Variants in ASXL3 observed in about 807,000 individuals in gnomAD.
The protein encoded by ASXL3 is ASXL transcriptional regulator 3, also known as putative Polycomb group protein ASXL3.
ASXL3 carries 34 observed loss-of-function variants against 170.6 expected under a neutral mutation model. That is an observed-to-expected ratio of 0.20 (90% confidence interval 0.15 to 0.27). The LOEUF is 0.27. Among genes scored for constraint, ASXL3 ranks in the 10% least tolerant of loss-of-function variants. The pLI, the probability that ASXL3 is intolerant of heterozygous loss-of-function variation, is 1.00. For missense variants in ASXL3, 2,592 were observed against 2,695.3 expected (o/e 0.96, Z 0.85); for synonymous variants, 1,002 against 989.1 (o/e 1.01, Z -0.24).
At chr18:33,716,053 A>AG (rs1275179712) in intron 8 of ASXL3, among the ~76,000 whole-genome samples, 5 of 152,354 alleles carry the variant, frequency 3.3e-5, no homozygotes, top group Non-Finnish European at 7.3e-5. Flanking sequence ...AAAAGGGCAA[A>AG]GACCTTGTTC....
intron 4 of ASXL3, among the ~76,000 whole-genome samples, chr18:33,658,685 T>C (rs1379900037): frequency 6.6e-6 from 1 of 152,046 alleles, no homozygotes; most frequent in African/African-American, 2.4e-5. Context: ...CAGTAAATAA[T>C]TAGGGAAATA....
At chr18:33,650,452 G>A (rs1400674400) in intron 4 of ASXL3, among the ~76,000 whole-genome samples, 2 of 152,040 alleles carry the variant, frequency 1.3e-5, no homozygotes, top group Admixed American at 1.3e-4. Context: ...CAGTGTCCTA[G>A]CTGGGAAGAC....
intron 8 of ASXL3, among the ~76,000 whole-genome samples, chr18:33,730,680 A>T (rs908534572): frequency 6.6e-6 from 1 of 152,184 alleles, no homozygotes; most frequent in African/African-American, 2.4e-5. Flanking sequence ...ACAAGGACCA[A>T]AAGTATTTGT....
chr18:33,644,819 C>T (rs2065895586), intron 2 of ASXL3, 75 bp from the exon 3 acceptor site: 16 of 868,852 alleles, frequency 1.8e-5, no homozygotes, highest in South Asian at 1.8e-4. Flanking sequence ...AGAGAGCGAG[C>T]GAGACTCAGA....
chr18:33,679,521 A>G (rs2066481258), intron 7 of ASXL3, among the ~76,000 whole-genome samples: 2 of 152,042 alleles, frequency 1.3e-5, no homozygotes, highest in South Asian at 2.1e-4. Context: ...TATAAAGTCA[A>G]TTGAAGAAGT....
intron 8 of ASXL3, among the ~76,000 whole-genome samples, chr18:33,700,683 A>G (rs1038144159): frequency 5.3e-5 from 8 of 152,130 alleles, no homozygotes; most frequent in African/African-American, 1.9e-4. Flanking sequence ...TGAAGGCTTT[A>G]TTAACAAACC....
chr18:33,676,250 A>T (rs1247580470), intron 7 of ASXL3, among the ~76,000 whole-genome samples: 5 of 147,634 alleles, frequency 3.4e-5, no homozygotes, highest in African/African-American at 1.2e-4. Context: ...AAAAAAAATT[A>T]TTCAGTCATT....
At chr18:33,636,011 G>A (rs1206292941) in intron 2 of ASXL3, among the ~76,000 whole-genome samples, 1 of 152,112 alleles carries the variant, frequency 6.6e-6, no homozygotes, top group Non-Finnish European at 1.5e-5. Context: ...AAAGTTAAAG[G>A]TGTAAACAAT....
intron 8 of ASXL3, among the ~76,000 whole-genome samples, chr18:33,695,170 GATT>G (rs1435031942): frequency 6.6e-6 from 1 of 152,024 alleles, no homozygotes; most frequent in Non-Finnish European, 1.5e-5. Context: ...TTACTTAAAA[GATT>G]ATAAAATTCA....
intron 3 of ASXL3, among the ~76,000 whole-genome samples, chr18:33,646,021 G>A (rs1426971533): frequency 5.3e-5 from 8 of 149,842 alleles, no homozygotes; most frequent in Admixed American, 5.3e-4. Context: ...CTTTTTTTGG[G>A]TATAGATTTT....
chr18:33,582,074 C>G (rs1177770866), intron 1 of ASXL3, among the ~76,000 whole-genome samples: 1 of 152,188 alleles, frequency 6.6e-6, no homozygotes, highest in Non-Finnish European at 1.5e-5. Context: ...AAACCAGATG[C>G]ATTTTCATCT....
intron 9 of ASXL3, among the ~76,000 whole-genome samples, chr18:33,732,333 G>A (rs549258822): frequency 6.6e-6 from 1 of 152,250 alleles, no homozygotes; most frequent in South Asian, 2.1e-4. Context: ...TAATTTTAAT[G>A]ACATTGTTTG....
At position 33,607,946 on chromosome 18, in the gene ASXL3, C is replaced by A. The variant is rs726145; in HGVS notation, c.137+270C>A. On this transcript the variant is annotated intron_variant, in intron 2 of 11. Coordinates refer to ENST00000269197, the MANE Select transcript of ASXL3 (RefSeq NM_030632.3). Reference sequence around the variant, plus strand: ...GACTTAGCCCCTCATTGAAGTTATTCCTGTTTCTTGTAAGAGGAGATTGTG... The same window carrying A: ...GACTTAGCCCCTCATTGAAGTTATTACTGTTTCTTGTAAGAGGAGATTGTG... Among the ~76,000 whole-genome samples, 44,989 of 151,736 alleles carry A rather than the reference C, an allele frequency of 0.3. 8,118 individuals carry two copies. The highest frequency in any genetic ancestry group is 0.42 in the Middle Eastern group (124 of 294).
At chr18:33,676,243 A>AAAAAAAAAAAAAAAAAAAAAAC (rs1198973179) in intron 7 of ASXL3, among the ~76,000 whole-genome samples, 1 of 149,984 alleles carries the variant, frequency 6.7e-6, no homozygotes, top group Non-Finnish European at 1.5e-5. Context: ...AAAAAAAAAA[A>AAAAAAAAAAAAAAAAAAAAAAC]AAAATTATTC....
intron 2 of ASXL3, among the ~76,000 whole-genome samples, chr18:33,611,967 C>G (rs2065342060): frequency 6.6e-6 from 1 of 151,912 alleles, no homozygotes; most frequent in African/African-American, 2.4e-5. Flanking sequence ...GTTATAGTAA[C>G]ATATCCAGGG....
At chr18:33,586,197 G>A (rs1265445285) in intron 1 of ASXL3, among the ~76,000 whole-genome samples, 2 of 150,884 alleles carry the variant, frequency 1.3e-5, no homozygotes, top group Non-Finnish European at 3.0e-5. Context: ...TGAGGCTGTT[G>A]TTTATTCTCC....
intron 2 of ASXL3, among the ~76,000 whole-genome samples, chr18:33,630,338 T>A (rs1368851013): frequency 6.6e-6 from 1 of 152,002 alleles, no homozygotes; most frequent in African/African-American, 2.4e-5. Context: ...TAAATAACTA[T>A]GATGTTTGAA....
At chr18:33,626,097 A>G (rs1568286952) in intron 2 of ASXL3, among the ~76,000 whole-genome samples, 1 of 151,942 alleles carries the variant, frequency 6.6e-6, no homozygotes, top group Non-Finnish European at 1.5e-5. Context: ...ATAATAAAGG[A>G]CTCAATGAAA....
In ASXL3 at chr18:33,658,019, T is replaced by C. The variant is rs79978367; in HGVS notation, c.356-3597T>C. On this transcript the variant is annotated intron_variant, in intron 4 of 11. Transcript: ENST00000269197. ...TTAGTTTTGTGATCATGCCAGTACA[T>C]AGTTAGAAAAGATAGCTCCTGTTCT... Among the ~76,000 whole-genome samples the C allele has an allele frequency of 3.0e-3, 458 of 152,246 alleles. 3 individuals carry two copies. Among genetic ancestry groups the C allele is most frequent in the African/African-American group, 0.011 (443 of 41,552 alleles).
Sources: allele counts gnomAD v4.1 joint callset (sites outside exome capture counted in the v4.1 genomes callset), GRCh38; gene constraint gnomAD v4.1.1; transcripts MANE v1.5; gene names NCBI Gene and HGNC (gene_info 2026-07-23, HGNC 2026-07-21).